Variants in PAG1 observed in about 807,000 individuals in gnomAD.
PAG1 encodes phosphoprotein associated with glycosphingolipid-enriched microdomains 1.
A neutral mutation model predicts 31.7 loss-of-function variants in PAG1; 23 were observed. The observed-to-expected ratio is 0.73, with a 90% CI of 0.52 to 1.03. The LOEUF is 1.03. Among genes scored for constraint, PAG1 ranks in the 50% least tolerant of loss-of-function variants. The pLI, the probability that PAG1 is intolerant of heterozygous loss-of-function variation, is 0.00. For synonymous variants in PAG1, 214 were observed against 210.3 expected (o/e 1.02, Z -0.15); for missense variants, 473 against 540.7 (o/e 0.87, Z 1.24).
chr8:81,086,984 CA>C (rs141323230), intron 1 of PAG1, among the ~76,000 whole-genome samples: 5,127 of 152,180 alleles, frequency 0.034, 299 homozygotes, highest in African/African-American at 0.12. Context: ...TATCTGAGAG[CA>C]GGGGTCAGTT....
intron 2 of PAG1, among the ~76,000 whole-genome samples, chr8:81,047,338 T>C (rs184653728): frequency 1.6e-3 from 250 of 152,334 alleles, no homozygotes; most frequent in African/African-American, 5.6e-3. Flanking sequence ...TTTTTCTCTA[T>C]AACTTCGCCA....
intron 1 of PAG1, among the ~76,000 whole-genome samples, chr8:81,082,068 C>T (rs1809274772): frequency 1.3e-5 from 2 of 151,878 alleles, no homozygotes; most frequent in Admixed American, 1.3e-4. Flanking sequence ...GCCTGGCCAA[C>T]ACAGCGAAAC....
At chr8:81,017,799 A>G (rs1808097172) in intron 3 of PAG1, among the ~76,000 whole-genome samples, 1 of 152,160 alleles carries the variant, frequency 6.6e-6, no homozygotes, top group Admixed American at 6.5e-5. Flanking sequence ...ATACCTCCAG[A>G]GATAGACTTA....
At chr8:81,082,305 C>T (rs1340614175) in intron 1 of PAG1, among the ~76,000 whole-genome samples, 1 of 150,438 alleles carries the variant, frequency 6.6e-6, no homozygotes, top group Non-Finnish European at 1.5e-5. Context: ...AATTAATTAC[C>T]TCTGCAAAAT....
At chr8:81,039,457 G>C (rs1334513191) in intron 2 of PAG1, 1 of 152,224 alleles carries the variant, frequency 6.6e-6, no homozygotes, top group African/African-American at 2.4e-5. Flanking sequence ...GCAACTAAGA[G>C]ACAGACCTGG....
At chr8:81,005,092 C>T (rs936957829) in intron 3 of PAG1, among the ~76,000 whole-genome samples, 2 of 152,142 alleles carry the variant, frequency 1.3e-5, no homozygotes, top group Admixed American at 6.5e-5. Flanking sequence ...AAATGACTGG[C>T]AACAGACCAA....
chr8:81,048,741 G>A (rs561442553), intron 2 of PAG1, among the ~76,000 whole-genome samples: 4 of 152,210 alleles, frequency 2.6e-5, no homozygotes, highest in South Asian at 2.1e-4. Context: ...AGCATCATTC[G>A]TATATATAAA....
At chr8:80,992,104 A>G (rs1807562609) in intron 4 of PAG1, among the ~76,000 whole-genome samples, 1 of 152,350 alleles carries the variant, frequency 6.6e-6, no homozygotes, top group Middle Eastern at 3.4e-3. Context: ...CACGTTCTCT[A>G]TAAAACAAGG....
chr8:81,048,193 C>T (rs1483458545), intron 2 of PAG1, among the ~76,000 whole-genome samples: 1 of 152,186 alleles, frequency 6.6e-6, no homozygotes, highest in Non-Finnish European at 1.5e-5. Context: ...TCCTGACTGT[C>T]CTTTTTAGCA....
At position 81,078,949 on chromosome 8, in the gene PAG1, C is replaced by A. The variant is rs1409504718; in HGVS notation, c.-233-8779G>T. Reference sequence around the variant, plus strand: ...TTTATTTCATTTTTCACCCCTTCACCCACTTCCTTATCTTCCATCTTGCCT... The same window carrying A: ...TTTATTTCATTTTTCACCCCTTCACACACTTCCTTATCTTCCATCTTGCCT... On this transcript the variant is annotated intron_variant, in intron 1 of 8. Transcript: ENST00000220597. 1.3e-5 allele frequency among the ~76,000 whole-genome samples: 2 copies of A among 152,092 alleles called. 1 individual carries two copies. The highest frequency in any genetic ancestry group is 2.9e-5 in the Non-Finnish European group (2 of 68,004).
At chr8:81,052,435 C>T (rs1038569135) in intron 2 of PAG1, among the ~76,000 whole-genome samples, 1 of 152,158 alleles carries the variant, frequency 6.6e-6, no homozygotes, top group South Asian at 2.1e-4. Context: ...TAACTACTTA[C>T]TTTTTTTCTT....
intron 1 of PAG1, among the ~76,000 whole-genome samples, chr8:81,074,904 G>A (rs541985602): frequency 1.3e-5 from 2 of 152,246 alleles, no homozygotes; most frequent in South Asian, 2.1e-4. Context: ...GGTTTCTTGG[G>A]TTTCTATCCA....
chr8:80,980,723 G>T (rs1807282788), intron 7 of PAG1, among the ~76,000 whole-genome samples: 2 of 152,052 alleles, frequency 1.3e-5, no homozygotes, highest in Non-Finnish European at 2.9e-5. Context: ...TTTTGTATTT[G>T]CATCTGTAGG....
intron 1 of PAG1, among the ~76,000 whole-genome samples, chr8:81,108,200 C>T (rs770822741): frequency 6.6e-6 from 1 of 152,182 alleles, no homozygotes; most frequent in Non-Finnish European, 1.5e-5. Context: ...GAGACTTTTA[C>T]TATAGAATAA....
intron 2 of PAG1, among the ~76,000 whole-genome samples, chr8:81,061,132 C>T (rs541771253): frequency 9.8e-5 from 15 of 152,326 alleles, no homozygotes; most frequent in African/African-American, 3.4e-4. Flanking sequence ...ACTCAGGCTA[C>T]TGGGCTGGAA....
intron 1 of PAG1, among the ~76,000 whole-genome samples, chr8:81,102,178 C>T (rs1809619916): frequency 6.6e-6 from 1 of 151,952 alleles, no homozygotes; most frequent in African/African-American, 2.4e-5. Flanking sequence ...TATAAAATAC[C>T]ATATTACTTT....
chr8:81,084,253 C>T (rs1809316147), intron 1 of PAG1, among the ~76,000 whole-genome samples: 1 of 152,090 alleles, frequency 6.6e-6, no homozygotes, highest in Non-Finnish European at 1.5e-5. Context: ...TATGTCTACT[C>T]CATGTTCCTG....
intron 2 of PAG1, among the ~76,000 whole-genome samples, chr8:81,065,521 G>T (rs1402974538): frequency 6.6e-6 from 1 of 152,118 alleles, no homozygotes; most frequent in Non-Finnish European, 1.5e-5. Flanking sequence ...TCACAAAGCA[G>T]CCAAGAGTGG....
intron 3 of PAG1, among the ~76,000 whole-genome samples, chr8:81,001,296 C>T (rs1807780607): frequency 6.6e-6 from 1 of 152,202 alleles, no homozygotes; most frequent in South Asian, 2.1e-4. Flanking sequence ...GTGTGGCACC[C>T]AGTAGGCACT....
Sources: allele counts gnomAD v4.1 joint callset (sites outside exome capture counted in the v4.1 genomes callset), GRCh38; gene constraint gnomAD v4.1.1; transcripts MANE v1.5; gene names NCBI Gene and HGNC (gene_info 2026-07-23, HGNC 2026-07-21).